DSCAM: variants seen among roughly 807,000 people sequenced by gnomAD.
DSCAM encodes the protein cell adhesion molecule DSCAM.
In DSCAM, 47 loss-of-function variants were observed where a neutral mutation model predicts 217.7. That is an observed-to-expected ratio of 0.22 (90% CI 0.17 to 0.28). DSCAM has a LOEUF of 0.28. Among genes scored for constraint, DSCAM ranks in the 10% least tolerant of loss-of-function variants. The probability of loss-of-function intolerance (pLI) is 1.00; values close to 1 mark genes in which losing one functional copy is unlikely to be tolerated. For missense variants in DSCAM, 2,080 were observed against 2,618.3 expected (o/e 0.79, Z 4.49); for synonymous variants, 1,056 against 1,015.3 (o/e 1.04, Z -0.76).
intron 1 of DSCAM, among the ~76,000 whole-genome samples, chr21:40,840,047 C>T (rs1477748449): frequency 6.6e-6 from 1 of 152,120 alleles, no homozygotes; most frequent in Non-Finnish European, 1.5e-5. Context: ...GCGTTGATCA[C>T]ATAGAACAAA....
intron 6 of DSCAM, among the ~76,000 whole-genome samples, chr21:40,346,992 G>C (rs981875634): frequency 5.9e-5 from 9 of 152,158 alleles, no homozygotes; most frequent in African/African-American, 2.2e-4. Context: ...AAAGGGGCCA[G>C]AGATGCTGCC....
chr21:40,107,780 G>A (rs73223297), intron 20 of DSCAM, among the ~76,000 whole-genome samples: 1 of 152,104 alleles, frequency 6.6e-6, no homozygotes, highest in Non-Finnish European at 1.5e-5. Flanking sequence ...ACTTAGGACA[G>A]TTAGATCTTT....
chr21:40,691,316 A>T (rs2146447279), intron 3 of DSCAM, among the ~76,000 whole-genome samples: 1 of 152,318 alleles, frequency 6.6e-6, no homozygotes, highest in African/African-American at 2.4e-5. Context: ...TGAAGCTGAA[A>T]ATTTGGATGA....
chr21:40,792,033 G>T (rs1347202823), intron 1 of DSCAM, among the ~76,000 whole-genome samples: 1 of 152,012 alleles, frequency 6.6e-6, no homozygotes, highest in Non-Finnish European at 1.5e-5. Flanking sequence ...ATGGTGTTTG[G>T]AGGTAGGTTT....
chr21:40,013,909 G>C (rs527993229), intron 32 of DSCAM, among the ~76,000 whole-genome samples: 1 of 152,222 alleles, frequency 6.6e-6, no homozygotes, highest in Non-Finnish European at 1.5e-5. Context: ...GGGTGAAAGC[G>C]CCACAGCTTA....
chr21:40,144,965 C>G lies in DSCAM; in HGVS notation c.3019-234G>C, dbSNP rs1457679262. The stretch of plus-strand genomic sequence containing the variant: ...TCCCAGCCCCTCTGAGCCACTGGAC[C>G]GTCAATGGACACAGGAGGTCACCTG... On this transcript the variant is annotated intron_variant, in intron 16 of 32. Transcript: ENST00000400454. The surrounding 1 kb of genome is among the most constrained non-coding windows in gnomAD (Gnocchi z 4.8). Among the ~76,000 whole-genome samples the G allele has an allele frequency of 6.6e-6, 1 of 152,132 alleles. No homozygotes were observed. Among genetic ancestry groups the G allele is most frequent in the Non-Finnish European group, 1.5e-5 (1 of 68,020 alleles).
intron 18 of DSCAM, among the ~76,000 whole-genome samples, chr21:40,134,375 G>GGC (rs1568958627): frequency 2.6e-5 from 4 of 152,158 alleles, no homozygotes; most frequent in Non-Finnish European, 4.4e-5. Flanking sequence ...CACTTAGGGC[G>GGC]ACACACACAC....
At chr21:40,497,558 C>T (rs531839399) in intron 3 of DSCAM, among the ~76,000 whole-genome samples, 2 of 152,094 alleles carry the variant, frequency 1.3e-5, no homozygotes, top group African/African-American at 2.4e-5. Context: ...TCCTACAACA[C>T]GGTGACTGCA....
intron 3 of DSCAM, among the ~76,000 whole-genome samples, chr21:40,673,789 T>C (rs192773437): frequency 1.9e-4 from 29 of 152,290 alleles, no homozygotes; most frequent in Admixed American, 1.6e-3. Context: ...GTGAACTTTC[T>C]GCTCCAGCTC....
intron 9 of DSCAM, among the ~76,000 whole-genome samples, chr21:40,301,635 C>G (rs1411996440): frequency 6.6e-6 from 1 of 152,228 alleles, no homozygotes; most frequent in Non-Finnish European, 1.5e-5. Flanking sequence ...GTTTAACAGT[C>G]TGTGTCCCAT....
intron 32 of DSCAM, among the ~76,000 whole-genome samples, chr21:40,020,434 A>C (rs1262395121): frequency 6.6e-6 from 1 of 152,166 alleles, no homozygotes; most frequent in Non-Finnish European, 1.5e-5. Context: ...AAAGGGGTAA[A>C]AACATGAAGC....
intron 32 of DSCAM, among the ~76,000 whole-genome samples, chr21:40,030,581 C>T (rs989460884): frequency 2.6e-5 from 4 of 152,164 alleles, no homozygotes; most frequent in African/African-American, 9.7e-5. Context: ...AGAGTTCCCT[C>T]TGAACTACGA....
At position 40,633,381 on chromosome 21, in the gene DSCAM, C is replaced by T. The variant is rs558070271; in HGVS notation, c.508+59429G>A. Among the ~76,000 whole-genome samples the T allele has an allele frequency of 1.7e-3, 260 of 152,298 alleles. 1 individual carries two copies. Among genetic ancestry groups the T allele is most frequent in the South Asian group, 0.011 (52 of 4,830 alleles). The stretch of plus-strand genomic sequence containing the variant: ...CCAGTTCCACATCTCTCTGCAAGAG[C>T]AGGGACCCACAGCTCAGATAAAACA... On this transcript the variant is annotated intron_variant, in intron 3 of 32. Coordinates refer to ENST00000400454, the MANE Select transcript of DSCAM (RefSeq NM_001389.5).
At chr21:40,762,250 T>C (rs1308458356) in intron 1 of DSCAM, among the ~76,000 whole-genome samples, 3 of 151,388 alleles carry the variant, frequency 2.0e-5, no homozygotes, top group Non-Finnish European at 4.4e-5. Context: ...GAGAATCAAA[T>C]AGACACAATA....
chr21:40,628,444 C>A (rs1423448993), intron 3 of DSCAM, among the ~76,000 whole-genome samples: 1 of 152,170 alleles, frequency 6.6e-6, no homozygotes, highest in African/African-American at 2.4e-5. Flanking sequence ...TAAGTTAAAA[C>A]AGAGGTCAAA....
chr21:40,513,205 A>G (rs1162653689), intron 3 of DSCAM: 1 of 152,218 alleles, frequency 6.6e-6, no homozygotes. Flanking sequence ...AGAGGAGAGA[A>G]CATAACCTAC....
chr21:40,831,669 G>T (rs1229640572), intron 1 of DSCAM, among the ~76,000 whole-genome samples: 1 of 152,176 alleles, frequency 6.6e-6, no homozygotes, highest in African/African-American at 2.4e-5. Flanking sequence ...GTTGGGGAAA[G>T]ATTCTATCCT....
At chr21:40,167,633 T>C (rs1356782360) in intron 15 of DSCAM, among the ~76,000 whole-genome samples, 1 of 152,196 alleles carries the variant, frequency 6.6e-6, no homozygotes, top group South Asian at 2.1e-4. Context: ...TGGTGTGTAT[T>C]GAAGGTCCTT....
intron 28 of DSCAM, among the ~76,000 whole-genome samples, chr21:40,059,172 G>T (rs932365606): frequency 6.6e-6 from 1 of 152,102 alleles, no homozygotes; most frequent in Admixed American, 6.5e-5. Context: ...CTAGGGTAGA[G>T]ATTTTTTATT....
Sources: allele counts gnomAD v4.1 joint callset (sites outside exome capture counted in the v4.1 genomes callset), GRCh38; gene constraint gnomAD v4.1.1; non-coding constraint Gnocchi (gnomAD v3.1); transcripts MANE v1.5; gene names NCBI Gene and HGNC (gene_info 2026-07-23, HGNC 2026-07-21).